The following SYNPO2 variants were observed in gnomAD, a reference collection of about 807,000 sequenced individuals.
SYNPO2 encodes synaptopodin-2.
Under a neutral mutation model 85.0 loss-of-function variants are expected in SYNPO2, and 56 were observed. The observed-to-expected ratio is 0.66, with a 90% CI of 0.53 to 0.82. The LOEUF is 0.82. Ranked by LOEUF, SYNPO2 falls within the 40% of genes least tolerant of loss-of-function variation. The pLI, the probability that SYNPO2 is intolerant of heterozygous loss-of-function variation, is 0.00. For synonymous variants in SYNPO2, 602 were observed against 591.1 expected (o/e 1.02, Z -0.27); for missense variants, 1,575 against 1,534.2 (o/e 1.03, Z -0.44).
intron 1 of SYNPO2, among the ~76,000 whole-genome samples, chr4:118,937,854 C>T (rs1470769010): frequency 6.6e-6 from 1 of 152,150 alleles, no homozygotes; most frequent in Non-Finnish European, 1.5e-5. Flanking sequence ...ATACCAAAAT[C>T]TAAGGATGCT....
chr4:119,041,497 C>T (rs1738714514), intron 4 of SYNPO2, among the ~76,000 whole-genome samples: 1 of 151,930 alleles, frequency 6.6e-6, no homozygotes, highest in African/African-American at 2.4e-5. Context: ...AATTCACACT[C>T]AGAGTCTGTT....
At chr4:118,979,264 C>T (rs548355408) in intron 1 of SYNPO2, among the ~76,000 whole-genome samples, 1 of 152,328 alleles carries the variant, frequency 6.6e-6, no homozygotes, top group South Asian at 2.1e-4. Flanking sequence ...CTATGCTTTC[C>T]TACTGCCGTA....
intron 1 of SYNPO2, among the ~76,000 whole-genome samples, chr4:119,021,905 A>G (rs1026002711): frequency 1.3e-5 from 2 of 152,248 alleles, no homozygotes; most frequent in African/African-American, 2.4e-5. Flanking sequence ...CAAGGAGAGC[A>G]TAGACCTGAC....
chr4:119,017,754 C>T (rs1737577412), intron 1 of SYNPO2, among the ~76,000 whole-genome samples: 1 of 152,166 alleles, frequency 6.6e-6, no homozygotes, highest in South Asian at 2.1e-4. Context: ...TGTCTTGTTT[C>T]TATCACCCAC....
chr4:119,046,384 G>A (rs1738867698), intron 4 of SYNPO2, among the ~76,000 whole-genome samples: 1 of 152,206 alleles, frequency 6.6e-6, no homozygotes, highest in Non-Finnish European at 1.5e-5. Flanking sequence ...TGAGGTCAGT[G>A]GCAATGTTTC....
intron 1 of SYNPO2, among the ~76,000 whole-genome samples, chr4:119,017,168 T>A (rs1002667502): frequency 6.6e-6 from 1 of 152,200 alleles, no homozygotes; most frequent in Admixed American, 6.5e-5. Context: ...TTTACACCTG[T>A]CACCAGATTT....
At chr4:118,952,269 C>G (rs1371108047) in intron 1 of SYNPO2, among the ~76,000 whole-genome samples, 1 of 152,170 alleles carries the variant, frequency 6.6e-6, no homozygotes, top group East Asian at 1.9e-4. Context: ...TTAAATTAAT[C>G]AAGACTTCAT....
intron 1 of SYNPO2, among the ~76,000 whole-genome samples, chr4:118,986,767 A>T (rs1179995352): frequency 6.6e-6 from 1 of 152,166 alleles, no homozygotes; most frequent in Non-Finnish European, 1.5e-5. Context: ...CCTCTATTTC[A>T]GGATGCATGA....
rs1407344092 is a variant in SYNPO2, at chr4:119,027,096, T to G, written c.727T>G (p.Ser243Ala). The change falls in exon 3 of 5, where the codon TCG becomes GCG. Residue 243 changes from serine (S) to alanine (A), a missense_variant. By Grantham distance (99) the Ser-to-Ala change is moderately conservative. Coordinates refer to ENST00000307142, the MANE Select transcript of SYNPO2 (RefSeq NM_133477.3). ...ACATGACAGGATTGTCCACATAAAT[T>G]CGATCCCTACTAATGAGAAAGCAGA... ...LSHDRIVHIN[S>A]IPTNEKADPF... 1.9e-6 allele frequency: 3 copies of G among 1,614,078 alleles called. No individual in the cohort carries two copies. The Admixed American group carries it at 5.0e-5, about 27-fold the overall frequency.
intron 1 of SYNPO2, among the ~76,000 whole-genome samples, chr4:118,919,725 C>T (rs1056560595): frequency 6.6e-6 from 1 of 152,070 alleles, no homozygotes; most frequent in African/African-American, 2.4e-5. Context: ...AGGTGTCTTT[C>T]AGGATGGAGG....
At chr4:118,860,558 TTTTG>T (rs1560799960) in intron 1 of SYNPO2, among the ~76,000 whole-genome samples, 1 of 69,940 alleles carries the variant, frequency 1.4e-5, no homozygotes. Flanking sequence ...TTGCCTTTTT[TTTTG>T]TTTTTTTTTT....
chr4:118,869,756 T>C (rs762702604), intron 1 of SYNPO2, among the ~76,000 whole-genome samples: 2 of 152,196 alleles, frequency 1.3e-5, no homozygotes, highest in African/African-American at 4.8e-5. Context: ...GCAAATATTT[T>C]TGAGCTCCTG....
chr4:118,997,753 A>G (rs1410942636), intron 1 of SYNPO2, among the ~76,000 whole-genome samples: 5 of 152,168 alleles, frequency 3.3e-5, no homozygotes, highest in Non-Finnish European at 7.4e-5. Context: ...CTGTTTGTCT[A>G]TGACTCTTTT....
intron 4 of SYNPO2, chr4:119,038,363 T>C (rs1738598304): frequency 1.1e-6 from 1 of 912,924 alleles, no homozygotes; most frequent in Non-Finnish European, 1.3e-6. Context: ...GCATCTGTTT[T>C]ATTAGTAAAA....
In SYNPO2 at chr4:119,027,439, G is replaced by C. The variant is rs1202066142; in HGVS notation, c.1069+1G>C. 1 of 1,580,396 alleles carries C rather than the reference G, an allele frequency of 6.3e-7. No individual in the cohort carries two copies. Among genetic ancestry groups the C allele is most frequent in the South Asian group, 1.1e-5 (1 of 88,258 alleles). The stretch of plus-strand genomic sequence containing the variant: ...CACAAGCACCGAGCGCGGCATGCAC[G>C]TAAGTTCTGCCTGGGCTTTCAGAAG... On this transcript the variant is annotated splice_donor_variant, in intron 3 of 4. Transcript: ENST00000307142. LOFTEE classifies it high-confidence loss of function.
chr4:118,928,395 T>G (rs1470096696), intron 1 of SYNPO2, among the ~76,000 whole-genome samples: 1 of 152,150 alleles, frequency 6.6e-6, no homozygotes, highest in East Asian at 1.9e-4. Flanking sequence ...CTTGCCAACC[T>G]GCATATAAAT....
intron 1 of SYNPO2, among the ~76,000 whole-genome samples, chr4:118,976,166 G>A (rs146806570): frequency 1.7e-3 from 257 of 152,074 alleles, no homozygotes; most frequent in African/African-American, 1.9e-3. Flanking sequence ...AAGTTGGCAC[G>A]TCTGGAGTCT....
chr4:119,057,655 T>A lies in SYNPO2; in HGVS notation c.3507T>A (p.Leu1169=). 2.5e-6 allele frequency: 4 copies of A among 1,614,114 alleles called. No individual in the cohort carries two copies. The highest frequency in any genetic ancestry group is 3.4e-6 in the Non-Finnish European group (4 of 1,180,022). Residue 1169 remains leucine, a synonymous_variant, in exon 5 of 5, where the codon CTT becomes CTA. Transcript: ENST00000307142. The part of the protein sequence containing the change: ...NVVSAARRKV[L]PGPPEDWNER... ...TTTCAGCAGCTCGGAGGAAGGTGCTTCCAGGGCCTCCAGAGGATTGGAATG... is the reference window on the plus strand; with the variant it reads ...TTTCAGCAGCTCGGAGGAAGGTGCTACCAGGGCCTCCAGAGGATTGGAATG...
In SYNPO2 at chr4:118,954,826, T is replaced by G. The variant is rs187794698; in HGVS notation, c.105+65685T>G. Reference sequence around the variant, plus strand: ...ATGTGCCAACACTGTTCTAAGCACTTTACACAGATTAACTCATTTAATCCA... The same window carrying G: ...ATGTGCCAACACTGTTCTAAGCACTGTACACAGATTAACTCATTTAATCCA... On this transcript the variant is annotated intron_variant, in intron 1 of 4. Coordinates refer to ENST00000307142, the MANE Select transcript of SYNPO2 (RefSeq NM_133477.3). Among the ~76,000 whole-genome samples the G allele has an allele frequency of 2.0e-5, 3 of 152,208 alleles. No individual in the cohort carries two copies. In the East Asian group the frequency reaches 5.8e-4, roughly 29 times the overall value.
Sources: gnomAD v4.1 joint callset for allele counts (sites outside exome capture counted in the v4.1 genomes callset) on GRCh38, gnomAD v4.1.1 for gene constraint, MANE v1.5 for transcripts, NCBI Gene and HGNC (gene_info 2026-07-23, HGNC 2026-07-21) for gene names.